LSM14A: variants seen among roughly 807,000 people sequenced by gnomAD.
LSM14A encodes protein LSM14 homolog A.
In LSM14A, 14 loss-of-function variants were observed where a neutral mutation model predicts 52.4. That is an observed-to-expected ratio of 0.27 (90% CI 0.18 to 0.42). The LOEUF is 0.42. Among genes scored for constraint, LSM14A ranks in the 10% least tolerant of loss-of-function variants. LSM14A has a pLI of 1.00. For missense variants in LSM14A, 417 were observed against 581.8 expected, an observed-to-expected ratio of 0.72 and a Z score of 2.91; for synonymous variants, 185 against 200.3, an observed-to-expected ratio of 0.92 and a Z score of 0.64.
chr19:34,201,229 A>G (rs2071261604), intron 3 of LSM14A, among the ~76,000 whole-genome samples: 1 of 152,186 alleles, frequency 6.6e-6, no homozygotes, highest in Non-Finnish European at 1.5e-5. Context: ...ATTGGTTAGG[A>G]TAATTTGTGG....
chr19:34,179,136 A>G (rs1476581392), intron 1 of LSM14A, among the ~76,000 whole-genome samples: 2 of 152,236 alleles, frequency 1.3e-5, no homozygotes. Context: ...GGGAAAAGAG[A>G]CTTTATGAAG....
intron 1 of LSM14A, among the ~76,000 whole-genome samples, chr19:34,182,089 G>A (rs1478719682): frequency 6.6e-6 from 1 of 151,896 alleles, no homozygotes; most frequent in Non-Finnish European, 1.5e-5. Context: ...CTACTACCCT[G>A]GTCCATTATC....
At chr19:34,209,788 T>G (rs2071998188) in intron 4 of LSM14A, among the ~76,000 whole-genome samples, 1 of 152,060 alleles carries the variant, frequency 6.6e-6, no homozygotes, top group Non-Finnish European at 1.5e-5. Context: ...CCATTTGCCT[T>G]GGCCTCCCCA....
At chr19:34,219,312 A>G in intron 6 of LSM14A, 79 bp from the exon 7 acceptor site, 1 of 872,158 alleles carries the variant, frequency 1.1e-6, no homozygotes. Flanking sequence ...GTTGAATCTA[A>G]AGAGCACAAT....
intron 3 of LSM14A, among the ~76,000 whole-genome samples, chr19:34,198,364 C>G (rs1376715322): frequency 6.6e-6 from 1 of 152,110 alleles, no homozygotes; most frequent in Admixed American, 6.6e-5. Flanking sequence ...CGCCTGTAAT[C>G]CCAGCACTTT....
intron 1 of LSM14A, among the ~76,000 whole-genome samples, chr19:34,185,312 G>C (rs2069812753): frequency 6.6e-6 from 1 of 152,204 alleles, no homozygotes; most frequent in South Asian, 2.1e-4. Context: ...GCAGACACAA[G>C]GGCAGGAGTA....
intron 3 of LSM14A, 141 bp downstream of exon 3, chr19:34,196,904 T>C (rs8112123): frequency 0.21 from 142,760 of 670,220 alleles, 16,293 homozygotes; most frequent in Admixed American, 0.3. Context: ...TCAGAACACA[T>C]TTTGATGATA....
At chr19:34,222,499 A>T (rs1568503224) in intron 9 of LSM14A, among the ~76,000 whole-genome samples, 1 of 152,170 alleles carries the variant, frequency 6.6e-6, no homozygotes, top group Non-Finnish European at 1.5e-5. Flanking sequence ...TTGATTTTAG[A>T]AGTAGTGGAG....
intron 3 of LSM14A, among the ~76,000 whole-genome samples, chr19:34,197,156 A>G (rs977308762): frequency 3.9e-5 from 6 of 152,086 alleles, no homozygotes; most frequent in Admixed American, 1.3e-4. Context: ...CAGTGGCACT[A>G]TCTTGGCTCA....
rs1343083402 is a variant in LSM14A, at chr19:34,209,196, T to C, written c.538+145T>C. The C allele has an allele frequency of 1.2e-5, 7 of 573,556 alleles. No individual in the cohort carries two copies. The Admixed American group carries it at 1.4e-4, about 11-fold the overall frequency. The allele number at this position is 573,556 out of a possible 1,614,324, so 35.5% of individuals were successfully genotyped here. On this transcript the variant is annotated intron_variant, in intron 4 of 9. Coordinates refer to ENST00000544216, the MANE Select transcript of LSM14A (RefSeq NM_015578.4). ...TAAAATTTTTCTCCAAATCGCTGTA[T>C]TGCAATGAATATATTATTGAATGAC...
intron 3 of LSM14A, among the ~76,000 whole-genome samples, chr19:34,199,807 A>G (rs1250571189): frequency 3.3e-5 from 5 of 152,260 alleles, no homozygotes; most frequent in African/African-American, 1.2e-4. Flanking sequence ...AAGTAGAAGC[A>G]GTGGTAGATA....
At chr19:34,222,180 A>C (rs902490880) in intron 9 of LSM14A, among the ~76,000 whole-genome samples, 3 of 152,234 alleles carry the variant, frequency 2.0e-5, no homozygotes, top group African/African-American at 7.2e-5. Flanking sequence ...ATGGGTATAG[A>C]GATATTAAGT....
chr19:34,192,319 G>GTTTTTTTTTTTTTTTTTTTTTTT lies in LSM14A; in HGVS notation c.122-2158_122-2136dup, dbSNP rs71165632. ...ACACTGAAATAACATTCTTTTTGTT[G>GTTTTTTTTTTTTTTTTTTTTTTT]TTTTTTTTTTTTTTTTTTTTTTTGG... On this transcript the variant is annotated intron_variant, in intron 1 of 9. Coordinates refer to ENST00000544216, the MANE Select transcript of LSM14A (RefSeq NM_015578.4). 4.3e-4 allele frequency among the ~76,000 whole-genome samples: 23 copies of GTTTTTTTTTTTTTTTTTTTTTTT among 53,406 alleles called. 6 individuals carry two copies. Among genetic ancestry groups the GTTTTTTTTTTTTTTTTTTTTTTT allele is most frequent in the African/African-American group, 8.1e-4 (10 of 12,362 alleles). 35.0% of individuals were successfully genotyped at this position (53,406 alleles called of 152,430 possible). A position where few individuals can be genotyped will look rare whatever the true frequency, so the allele number is the denominator to read the frequency against.
At chr19:34,221,347 G>A in intron 8 of LSM14A, 160 bp from the exon 9 acceptor site, 1 of 801,392 alleles carries the variant, frequency 1.2e-6, no homozygotes, top group Non-Finnish European at 1.9e-6. Flanking sequence ...CTCCCAAAGT[G>A]CTGGGATTAC....
intron 1 of LSM14A, among the ~76,000 whole-genome samples, chr19:34,175,069 AATTC>A (rs2068986376): frequency 1.3e-5 from 2 of 152,220 alleles, no homozygotes; most frequent in African/African-American, 4.8e-5. Context: ...GTAATAGTTA[AATTC>A]ATATGACATA....
chr19:34,221,170 C>A (rs2073035380), intron 8 of LSM14A, among the ~76,000 whole-genome samples: 1 of 151,398 alleles, frequency 6.6e-6, no homozygotes, highest in Non-Finnish European at 1.5e-5. Flanking sequence ...GCAACCTCCA[C>A]CTCCCAGGTT....
intron 5 of LSM14A, 24 bp downstream of exon 5, chr19:34,215,324 TC>T: frequency 6.3e-7 from 1 of 1,580,492 alleles, no homozygotes; most frequent in East Asian, 2.3e-5. Context: ...TGTTTACTGT[TC>T]CTTAATTGAC....
At chr19:34,216,425 A>AT (rs1344233232) in intron 6 of LSM14A, among the ~76,000 whole-genome samples, 1 of 150,994 alleles carries the variant, frequency 6.6e-6, no homozygotes, top group African/African-American at 2.4e-5. Flanking sequence ...AAAAAAAAAA[A>AT]TTTTACTTTT....
intron 4 of LSM14A, among the ~76,000 whole-genome samples, chr19:34,212,270 A>G (rs1033289001): frequency 1.3e-5 from 2 of 152,220 alleles, no homozygotes; most frequent in African/African-American, 2.4e-5. Flanking sequence ...GGTGGCAGCA[A>G]GCTGTGATTG....
Sources: gnomAD v4.1 joint callset for allele counts (sites outside exome capture counted in the v4.1 genomes callset) on GRCh38, gnomAD v4.1.1 for gene constraint, MANE v1.5 for transcripts, NCBI Gene and HGNC (gene_info 2026-07-23, HGNC 2026-07-21) for gene names.